The following CLMN variants were observed in gnomAD, a reference collection of about 807,000 sequenced individuals.
CLMN encodes the protein calmin (calponin-like, transmembrane).
Under a neutral mutation model 92.7 loss-of-function variants are expected in CLMN, and 57 were observed. The ratio of observed to expected loss-of-function variants is 0.61; its 90% CI spans 0.50 to 0.77. The LOEUF (loss-of-function observed/expected upper bound fraction) is 0.77. Among genes scored for constraint, CLMN ranks in the 30% least tolerant of loss-of-function variants. The pLI is 0.00. For missense variants in CLMN, 1,158 were observed against 1,237.5 expected, an observed-to-expected ratio of 0.94 and a Z score of 0.96; for synonymous variants, 466 against 470.6, an observed-to-expected ratio of 0.99 and a Z score of 0.13.
intron 1 of CLMN, among the ~76,000 whole-genome samples, chr14:95,311,427 G>A (rs1262886763): frequency 6.6e-6 from 1 of 152,146 alleles, no homozygotes; most frequent in Non-Finnish European, 1.5e-5. Context: ...AGACCGGGAG[G>A]TCTGCAGTTC....
intron 1 of CLMN, among the ~76,000 whole-genome samples, chr14:95,273,177 C>T (rs1048252232): frequency 6.6e-6 from 1 of 152,176 alleles, no homozygotes; most frequent in Non-Finnish European, 1.5e-5. Flanking sequence ...ATGGAAAGGA[C>T]ATTCCAGAAA....
chr14:95,250,800 TA>T (rs1446326962), intron 1 of CLMN, among the ~76,000 whole-genome samples: 1 of 152,172 alleles, frequency 6.6e-6, no homozygotes, highest in East Asian at 1.9e-4. Flanking sequence ...GACTAAGGCA[TA>T]AACAAGGGCT....
rs1038713072 is a variant in CLMN at position 95,183,361 on chromosome 14, G to A, written c.*8203C>T. 1.1e-4 allele frequency: 16 copies of A among 152,256 alleles called. 1 individual carries two copies. Among genetic ancestry groups the A allele is most frequent in the Admixed American group, 4.6e-4 (7 of 15,288 alleles). 9.4% of individuals were successfully genotyped at this position (152,256 alleles called of 1,614,324 possible). On this transcript the variant is annotated 3_prime_UTR_variant, in exon 13 of 13. Transcript: ENST00000298912. ...CCTATTGATTTTTGCTGGGGCTAAAGGAAGTGGTAGCTATTGCAAACAGAA... is the reference window on the plus strand; with the variant it reads ...CCTATTGATTTTTGCTGGGGCTAAAAGAAGTGGTAGCTATTGCAAACAGAA...
chr14:95,234,677 G>A (rs529166793), intron 1 of CLMN, among the ~76,000 whole-genome samples: 3 of 152,314 alleles, frequency 2.0e-5, no homozygotes, highest in African/African-American at 7.2e-5. Flanking sequence ...TGGACTCCAG[G>A]GGCCGAGACA....
intron 1 of CLMN, among the ~76,000 whole-genome samples, chr14:95,275,694 CT>C (rs1359403843): frequency 1.3e-5 from 2 of 152,188 alleles, no homozygotes; most frequent in Admixed American, 1.3e-4. Flanking sequence ...AACAGTTTCA[CT>C]TTCATCACCT....
chr14:95,182,058 T>G lies in CLMN; in HGVS notation c.*9506A>C, dbSNP rs576033729. 26 of 152,318 alleles carry G rather than the reference T, an allele frequency of 1.7e-4. No individual in the cohort carries two copies. Among genetic ancestry groups the G allele is most frequent in the African/African-American group, 5.8e-4 (24 of 41,556 alleles). 9.4% of individuals were successfully genotyped at this position (152,318 alleles called of 1,614,324 possible). ...TAGAAAACAGTCAAATAACAAATAC[T>G]CCAGTTAATTCCCACAGGTATAAAT... On this transcript the variant is annotated 3_prime_UTR_variant, in exon 13 of 13. Transcript: ENST00000298912.
intron 1 of CLMN, among the ~76,000 whole-genome samples, chr14:95,309,850 T>C (rs570758521): frequency 6.6e-6 from 1 of 152,136 alleles, no homozygotes; most frequent in East Asian, 1.9e-4. Context: ...GCGTATGAGA[T>C]TCCTGTGGCT....
rs551392522 is a variant in CLMN at position 95,300,890 on chromosome 14, C to T, written c.82+18821G>A. ...GGGAAAGAGCCTGGAACCGAGCAGA[C>T]GCTCAATAAATATTTGTAGGAAGCT... On this transcript the variant is annotated intron_variant, in intron 1 of 12. Transcript: ENST00000298912. Among the ~76,000 whole-genome samples the T allele has an allele frequency of 1.8e-4, 27 of 152,284 alleles. No homozygotes were observed. In the East Asian group the frequency reaches 2.9e-3, roughly 16 times the overall value.
intron 1 of CLMN, among the ~76,000 whole-genome samples, chr14:95,300,794 C>T (rs960615687): frequency 3.9e-5 from 6 of 152,160 alleles, no homozygotes; most frequent in Non-Finnish European, 7.3e-5. Flanking sequence ...CCGATGAGAC[C>T]GGGGGGACTG....
chr14:95,257,037 C>T (rs930614889), intron 1 of CLMN, among the ~76,000 whole-genome samples: 6 of 152,268 alleles, frequency 3.9e-5, no homozygotes, highest in South Asian at 4.1e-4. Context: ...GAGGGAGAGG[C>T]GCTTTGATGA....
intron 10 of CLMN, among the ~76,000 whole-genome samples, chr14:95,195,121 T>C (rs1381015198): frequency 1.3e-5 from 2 of 152,340 alleles, no homozygotes; most frequent in East Asian, 1.9e-4. Context: ...GAATCACCCC[T>C]GTGGCTGACC....
chr14:95,254,437 A>AT (rs1455345123), intron 1 of CLMN, among the ~76,000 whole-genome samples: 1 of 152,208 alleles, frequency 6.6e-6, no homozygotes, highest in Non-Finnish European at 1.5e-5. Context: ...CATAGAATTC[A>AT]TAAAGCTCTG....
At chr14:95,312,398 GAGA>G (rs1476349943) in intron 1 of CLMN, among the ~76,000 whole-genome samples, 3 of 152,180 alleles carry the variant, frequency 2.0e-5, no homozygotes, top group Admixed American at 1.3e-4. Context: ...GCACCCTTTG[GAGA>G]AGAAGGCTGG....
intron 8 of CLMN, among the ~76,000 whole-genome samples, chr14:95,207,329 AG>A (rs1897073667): frequency 6.6e-6 from 1 of 152,138 alleles, no homozygotes; most frequent in Non-Finnish European, 1.5e-5. Context: ...TTTGTTGCCC[AG>A]GCTGGTCTTT....
At chr14:95,292,907 C>T (rs765811110) in intron 1 of CLMN, among the ~76,000 whole-genome samples, 26 of 152,072 alleles carry the variant, frequency 1.7e-4, no homozygotes, top group Non-Finnish European at 3.4e-4. Context: ...CACATCCAAC[C>T]GGCCACAAAC....
At chr14:95,236,786 C>T (rs1898071726) in intron 1 of CLMN, among the ~76,000 whole-genome samples, 1 of 152,176 alleles carries the variant, frequency 6.6e-6, no homozygotes, top group Admixed American at 6.5e-5. Flanking sequence ...CCTCAGTTTG[C>T]CTATCTGTAC....
At chr14:95,243,157 T>C (rs28648424) in intron 1 of CLMN, among the ~76,000 whole-genome samples, 36,949 of 152,120 alleles carry the variant, frequency 0.24, 6,059 homozygotes, top group African/African-American at 0.46. Flanking sequence ...TCCATAAGAT[T>C]CACTGCCTGA....
At chr14:95,300,370 A>G (rs1900995026) in intron 1 of CLMN, among the ~76,000 whole-genome samples, 1 of 152,234 alleles carries the variant, frequency 6.6e-6, no homozygotes, top group Admixed American at 6.5e-5. Context: ...TTTTAAAAGA[A>G]GCAAATCACA....
chr14:95,246,702 C>T (rs138759093), intron 1 of CLMN, among the ~76,000 whole-genome samples: 2,472 of 152,240 alleles, frequency 0.016, 35 homozygotes, highest in Non-Finnish European at 0.027. Context: ...CTCCTGACCT[C>T]GTGATCCTCC....
Sources: gnomAD v4.1 joint callset for allele counts (sites outside exome capture counted in the v4.1 genomes callset) on GRCh38, gnomAD v4.1.1 for gene constraint, MANE v1.5 for transcripts, NCBI Gene and HGNC (gene_info 2026-07-23, HGNC 2026-07-21) for gene names.